SLC25A30: variants seen among roughly 807,000 people sequenced by gnomAD.
The protein encoded by SLC25A30 is solute carrier family 25 member 30.
A neutral mutation model predicts 42.7 loss-of-function variants in SLC25A30; 29 were observed. The observed-to-expected ratio is 0.68, with a 90% CI of 0.51 to 0.93. The LOEUF (loss-of-function observed/expected upper bound fraction) is 0.93. Ranked by LOEUF, SLC25A30 falls within the 40% of genes least tolerant of loss-of-function variation. The pLI is 0.00. For missense variants in SLC25A30, 300 were observed against 359.7 expected (o/e 0.83, Z 1.34); for synonymous variants, 124 against 131.0 (o/e 0.95, Z 0.37).
At chr13:45,417,161 G>A (rs918755812) in intron 1 of SLC25A30, among the ~76,000 whole-genome samples, 1 of 152,074 alleles carries the variant, frequency 6.6e-6, no homozygotes, top group Non-Finnish European at 1.5e-5. Flanking sequence ...TTAGACATCC[G>A]TCACCACGCC....
chr13:45,400,033 T>TACAC (rs71184413), intron 7 of SLC25A30, among the ~76,000 whole-genome samples: 4,835 of 122,916 alleles, frequency 0.039, 237 homozygotes, highest in East Asian at 0.17. Context: ...TATATATATA[T>TACAC]ACACACACAC....
At chr13:45,410,102 G>A (rs1041762104) in intron 2 of SLC25A30, among the ~76,000 whole-genome samples, 1 of 152,162 alleles carries the variant, frequency 6.6e-6, no homozygotes, top group Non-Finnish European at 1.5e-5. Flanking sequence ...ACCCAGCACA[G>A]GGCATTCAAC....
intron 7 of SLC25A30, among the ~76,000 whole-genome samples, chr13:45,399,432 C>T (rs1881708007): frequency 6.6e-6 from 1 of 152,206 alleles, no homozygotes; most frequent in Admixed American, 6.5e-5. Context: ...TGATCTCAGA[C>T]TCTTGACCTC....
rs1881164087 is a variant in SLC25A30 at position 45,394,396 on chromosome 13, A to C, written c.*1578T>G. 1.0e-6 allele frequency: 1 copy of C among 985,264 alleles called. No individual in the cohort carries two copies. The highest frequency in any genetic ancestry group is 1.2e-6 in the Non-Finnish European group (1 of 829,934). 61.0% of individuals were successfully genotyped at this position (985,264 alleles called of 1,614,324 possible). ...GAAAAATTATCTCATCCTCCAAAAA[A>C]ACCTGCAGTCCTTCTATTCAGTCTC... On this transcript the variant is annotated 3_prime_UTR_variant, in exon 10 of 10. Coordinates refer to ENST00000519676, the MANE Select transcript of SLC25A30 (RefSeq NM_001010875.4).
At chr13:45,401,842 C>T (rs1006629694) in intron 6 of SLC25A30, among the ~76,000 whole-genome samples, 24 of 152,102 alleles carry the variant, frequency 1.6e-4, no homozygotes, top group African/African-American at 4.8e-4. Context: ...GGCAGATCAC[C>T]TGAGGTCAGG....
chr13:45,424,687 A>C, the SLC25A30 span, among the ~76,000 whole-genome samples: 3 of 73,236 alleles, frequency 4.1e-5, 1 homozygote, highest in Non-Finnish European at 7.5e-5. Context: ...TTATATATAG[A>C]TATATATAAA....
At chr13:45,423,368 G>A (rs932139527), upstream of SLC25A30, among the ~76,000 whole-genome samples, 3 of 150,308 alleles carry the variant, frequency 2.0e-5, no homozygotes, top group Admixed American at 6.8e-5. Context: ...TAGAAATCTG[G>A]TTTATTTAAT....
chr13:45,396,219 G>A (rs1243373206), intron 9 of SLC25A30: 2 of 1,432,812 alleles, frequency 1.4e-6, no homozygotes, highest in African/African-American at 2.9e-5. Flanking sequence ...TCACAGCTGA[G>A]ATATGTAAAT....
the SLC25A30 span, among the ~76,000 whole-genome samples, chr13:45,423,853 T>TATATATAA: frequency 4.2e-5 from 3 of 72,020 alleles, no homozygotes; most frequent in African/African-American, 1.5e-4. Context: ...TATGTAAATA[T>TATATATAA]ATATATAAAT....
chr13:45,409,637 C>T (rs977807737), intron 2 of SLC25A30, among the ~76,000 whole-genome samples: 9 of 151,874 alleles, frequency 5.9e-5, no homozygotes, highest in Non-Finnish European at 7.4e-5. Flanking sequence ...GGTGAAACCC[C>T]GTCTCTACTA....
At chr13:45,429,065 T>G in the SLC25A30 span, among the ~76,000 whole-genome samples, 1 of 56,510 alleles carries the variant, frequency 1.8e-5, no homozygotes, top group Non-Finnish European at 5.1e-5. Flanking sequence ...TCTTTTTTTT[T>G]TTTTTTTTTT....
Position 45,397,430 on chromosome 13 carries a change from C to T in SLC25A30, c.754-92G>A, listed in dbSNP as rs563242514. ...TGGCCAGGCCAGGCGCGGTGGCTCA[C>T]GCCTTTAATCCCAGCACTTTGGGAG... On this transcript the variant is annotated intron_variant, in intron 8 of 9. Coordinates refer to ENST00000519676, the MANE Select transcript of SLC25A30 (RefSeq NM_001010875.4). 1.1e-4 allele frequency: 94 copies of T among 857,118 alleles called. No homozygotes were observed. In the African/African-American group the frequency reaches 1.3e-3, roughly 12 times the overall value. 53.1% of individuals were successfully genotyped at this position (857,118 alleles called of 1,614,324 possible).
At chr13:45,399,838 A>G (rs151121774) in intron 7 of SLC25A30, among the ~76,000 whole-genome samples, 2 of 152,002 alleles carry the variant, frequency 1.3e-5, no homozygotes, top group African/African-American at 4.8e-5. Flanking sequence ...CTATATTTTC[A>G]GTCCCACAAG....
rs756469337 is a variant in SLC25A30 at position 45,405,892 on chromosome 13, G to C, written c.298C>G (p.Arg100Gly). ...YQSLKRLFIE[R>G]PEDETLPINV... The stretch of plus-strand genomic sequence containing the variant: ...CAGATTCCCCACTCACCTTCTGGGC[G>C]TTCAATGAATAGTCGCTTCAAGCTC... The change falls in exon 4 of 10, where the codon CGC becomes GGC. Residue 100 changes from arginine to glycine, a missense_variant. Transcript: ENST00000519676. 2 of 1,614,034 alleles carry C rather than the reference G, an allele frequency of 1.2e-6. No homozygotes were observed. Among genetic ancestry groups the C allele is most frequent in the Non-Finnish European group, 1.7e-6 (2 of 1,179,932 alleles).
chr13:45,423,699 TATAA>T, the SLC25A30 span, among the ~76,000 whole-genome samples: 84 of 12,604 alleles, frequency 6.7e-3, 1 homozygote, highest in African/African-American at 8.3e-3. Flanking sequence ...TATATAAATA[TATAA>T]ATATATAAAC....
chr13:45,429,602 G>A, the SLC25A30 span, among the ~76,000 whole-genome samples: 3 of 152,128 alleles, frequency 2.0e-5, no homozygotes, highest in East Asian at 1.9e-4. Flanking sequence ...GCTGAGGCAG[G>A]AGGATTGCAT....
At chr13:45,417,269 C>T (rs1202624858) in intron 1 of SLC25A30, among the ~76,000 whole-genome samples, 1 of 152,178 alleles carries the variant, frequency 6.6e-6, no homozygotes, top group African/African-American at 2.4e-5. Context: ...CCTCGGCCTC[C>T]CAAAGTGCTG....
At chr13:45,408,621 T>C (rs1882727480) in intron 3 of SLC25A30, among the ~76,000 whole-genome samples, 1 of 152,176 alleles carries the variant, frequency 6.6e-6, no homozygotes, top group Admixed American at 6.5e-5. Flanking sequence ...TAATTCAGAA[T>C]ATCTAAGAAA....
At chr13:45,412,197 G>A (rs1240102869) in intron 1 of SLC25A30, among the ~76,000 whole-genome samples, 4 of 151,632 alleles carry the variant, frequency 2.6e-5, no homozygotes, top group African/African-American at 4.9e-5. Flanking sequence ...ATGGCTCACC[G>A]TAGCCTCAAC....
Sources: gnomAD v4.1 joint callset for allele counts (sites outside exome capture counted in the v4.1 genomes callset) on GRCh38, gnomAD v4.1.1 for gene constraint, MANE v1.5 for transcripts, NCBI Gene and HGNC (gene_info 2026-07-23, HGNC 2026-07-21) for gene names.